The following ITPR2 variants were observed in gnomAD, a reference collection of about 807,000 sequenced individuals.
The protein encoded by ITPR2 is inositol 1,4,5-trisphosphate receptor type 2.
Under a neutral mutation model 317.1 loss-of-function variants are expected in ITPR2, and 207 were observed. That is an observed-to-expected ratio of 0.65 (90% CI 0.58 to 0.73). The LOEUF is 0.73. ITPR2 is among the 30% of genes least tolerant of loss of function. The pLI, the probability that ITPR2 is intolerant of heterozygous loss-of-function variation, is 0.00. For synonymous variants in ITPR2, 1,156 were observed against 1,149.1 expected (o/e 1.01, Z -0.12); for missense variants, 2,613 against 3,284.0 (o/e 0.80, Z 4.99).
At chr12:26,551,051 T>G (rs927037916) in intron 36 of ITPR2, among the ~76,000 whole-genome samples, 1 of 152,182 alleles carries the variant, frequency 6.6e-6, no homozygotes, top group Admixed American at 6.5e-5. Context: ...GAACTTAAAA[T>G]CAAATAAAAT....
At chr12:26,781,863 C>T (rs2137180025) in intron 2 of ITPR2, among the ~76,000 whole-genome samples, 2 of 151,848 alleles carry the variant, frequency 1.3e-5, no homozygotes, top group African/African-American at 4.8e-5. Context: ...ACTGGCTTAG[C>T]CTCCCAGCCT....
chr12:26,825,108 C>A (rs1365116818), intron 1 of ITPR2, among the ~76,000 whole-genome samples: 1 of 152,134 alleles, frequency 6.6e-6, no homozygotes, highest in African/African-American at 2.4e-5. Flanking sequence ...TGGCGCACAC[C>A]TGCAGTCCCA....
chr12:26,361,631 A>G lies in ITPR2; in HGVS notation c.7858-21303T>C, dbSNP rs1011397749. On this transcript the variant is annotated intron_variant, in intron 55 of 56. Coordinates refer to ENST00000381340, the MANE Select transcript of ITPR2 (RefSeq NM_002223.4). ...TGATATATAAAAATGAAGTTTACAAAATCCATGAAAAACAGATTATCTACT... is the reference window on the plus strand; with the variant it reads ...TGATATATAAAAATGAAGTTTACAAGATCCATGAAAAACAGATTATCTACT... 8.5e-5 allele frequency among the ~76,000 whole-genome samples: 13 copies of G among 152,326 alleles called. No homozygotes were observed. The South Asian group carries it at 2.1e-3, about 24-fold the overall frequency.
intron 55 of ITPR2, among the ~76,000 whole-genome samples, chr12:26,352,840 A>G (rs1326877535): frequency 6.6e-6 from 1 of 152,238 alleles, no homozygotes; most frequent in Non-Finnish European, 1.5e-5. Flanking sequence ...GGGTTGCGCC[A>G]TTTGTAAGGA....
In ITPR2 at chr12:26,772,045, T is replaced by C. The variant is rs1476167859; in HGVS notation, c.163+18112A>G. 2.0e-5 allele frequency among the ~76,000 whole-genome samples: 3 copies of C among 152,158 alleles called. No homozygotes were observed. The South Asian group carries it at 6.2e-4, about 32-fold the overall frequency. ...ACATTTAGTTGTCATTGATTTACCGTGTAACAGCTGCAGAAGACCGAACGG... is the reference window on the plus strand; with the variant it reads ...ACATTTAGTTGTCATTGATTTACCGCGTAACAGCTGCAGAAGACCGAACGG... On this transcript the variant is annotated intron_variant, in intron 2 of 56. Coordinates refer to ENST00000381340, the MANE Select transcript of ITPR2 (RefSeq NM_002223.4).
chr12:26,383,819 T>A (rs1939589736), intron 55 of ITPR2, among the ~76,000 whole-genome samples: 1 of 152,016 alleles, frequency 6.6e-6, no homozygotes, highest in South Asian at 2.1e-4. Context: ...TTCCCATTTC[T>A]CCGAAAGGTA....
intron 45 of ITPR2, among the ~76,000 whole-genome samples, chr12:26,464,273 C>G (rs1942114047): frequency 6.6e-6 from 1 of 152,150 alleles, no homozygotes; most frequent in Non-Finnish European, 1.5e-5. Context: ...TCAGTGGGAG[C>G]CCTGAGCTTG....
At chr12:26,396,618 G>A (rs1190385847) in intron 54 of ITPR2, among the ~76,000 whole-genome samples, 6 of 151,798 alleles carry the variant, frequency 4.0e-5, no homozygotes, top group Non-Finnish European at 7.4e-5. Context: ...CTTCTCACTC[G>A]GACACCCTCC....
intron 1 of ITPR2, among the ~76,000 whole-genome samples, chr12:26,804,203 G>A (rs1230998761): frequency 6.6e-6 from 1 of 151,984 alleles, no homozygotes; most frequent in Non-Finnish European, 1.5e-5. Flanking sequence ...TTTAACATTG[G>A]CTAAATGTGA....
rs535495472 is a variant in ITPR2, at chr12:26,476,683, C to T, written c.6219+229G>A. ...AGTTTAGTATAGTGTGATAAGTTGGCTAAGAAAAGTGCTTAGAGTGGATAA... is the reference window on the plus strand; with the variant it reads ...AGTTTAGTATAGTGTGATAAGTTGGTTAAGAAAAGTGCTTAGAGTGGATAA... On this transcript the variant is annotated intron_variant, in intron 44 of 56. Coordinates refer to ENST00000381340, the MANE Select transcript of ITPR2 (RefSeq NM_002223.4). Among the ~76,000 whole-genome samples the T allele has an allele frequency of 6.8e-4, 103 of 152,190 alleles. 1 individual carries two copies. In the South Asian group the frequency reaches 0.02, roughly 30 times the overall value.
intron 1 of ITPR2, among the ~76,000 whole-genome samples, chr12:26,817,180 CAAAAAAAAAAA>C (rs11422176): frequency 5.2e-5 from 3 of 57,672 alleles, no homozygotes; most frequent in Non-Finnish European, 6.2e-5. Flanking sequence ...GAGTCTCTTT[CAAAAAAAAAAA>C]AAAAAAAAAA....
intron 44 of ITPR2, among the ~76,000 whole-genome samples, chr12:26,475,673 C>T (rs576020430): frequency 4.6e-5 from 7 of 152,194 alleles, no homozygotes; most frequent in South Asian, 4.2e-4. Flanking sequence ...TTAGGAGAAT[C>T]GAGAACCCCA....
At chr12:26,624,219 G>A in intron 24 of ITPR2, 80 bp downstream of exon 24, 1 of 970,848 alleles carries the variant, frequency 1.0e-6, no homozygotes, top group South Asian at 1.4e-5. Flanking sequence ...GATATAGAGT[G>A]AACAATATCA....
chr12:26,744,937 A>G (rs758857796), intron 2 of ITPR2, among the ~76,000 whole-genome samples: 1 of 152,242 alleles, frequency 6.6e-6, no homozygotes, highest in Non-Finnish European at 1.5e-5. Context: ...TTGCAGGCAA[A>G]CTGTTATGCA....
Position 26,632,061 on chromosome 12 carries a change from T to C in ITPR2, c.2741-2A>G, listed in dbSNP as rs748129846. On this transcript the variant is annotated splice_acceptor_variant, in intron 21 of 56. Coordinates refer to ENST00000381340, the MANE Select transcript of ITPR2 (RefSeq NM_002223.4). LOFTEE classifies it high-confidence loss of function. ...GAATGGTTCTCATCACATTGTTTCC[T>C]GGCATGAGAAAATGCCGTAAGTCAA... The C allele has an allele frequency of 6.5e-7, 1 of 1,528,916 alleles. No homozygotes were observed. Among genetic ancestry groups the C allele is most frequent in the Non-Finnish European group, 8.8e-7 (1 of 1,139,940 alleles). 94.7% of individuals were successfully genotyped at this position (1,528,916 alleles called of 1,614,324 possible). A position where few individuals can be genotyped will look rare whatever the true frequency, so the allele number is the denominator to read the frequency against.
At chr12:26,349,721 C>T (rs548301238) in intron 55 of ITPR2, among the ~76,000 whole-genome samples, 7 of 152,352 alleles carry the variant, frequency 4.6e-5, no homozygotes, top group East Asian at 3.9e-4. Context: ...GTGTCACTGC[C>T]GTGTTCCTGC....
chr12:26,590,404 G>A (rs555674977), intron 32 of ITPR2, among the ~76,000 whole-genome samples: 57 of 152,070 alleles, frequency 3.7e-4, no homozygotes, highest in Non-Finnish European at 7.6e-4. Flanking sequence ...TGATAGCAAG[G>A]TTCTGGCATA....
chr12:26,442,113 T>G (rs1243905587), intron 46 of ITPR2, among the ~76,000 whole-genome samples: 1 of 152,086 alleles, frequency 6.6e-6, no homozygotes, highest in South Asian at 2.1e-4. Flanking sequence ...ACCAGATTGA[T>G]CTTTTGAAAA....
chr12:26,364,019 G>T lies in ITPR2; in HGVS notation c.7857+23415C>A, dbSNP rs995698986. ...GGAACAAATGGGGTGGAATGAGGCT[G>T]AACTAGCTTATGTGTCTGGCACTCT... On this transcript the variant is annotated intron_variant, in intron 55 of 56. Transcript: ENST00000381340. 5.4e-4 allele frequency among the ~76,000 whole-genome samples: 82 copies of T among 152,180 alleles called. 1 individual carries two copies. The highest frequency in any genetic ancestry group is 7.3e-5 in the Non-Finnish European group (5 of 68,028).
Sources: gnomAD v4.1 joint callset for allele counts (sites outside exome capture counted in the v4.1 genomes callset) on GRCh38, gnomAD v4.1.1 for gene constraint, MANE v1.5 for transcripts, NCBI Gene and HGNC (gene_info 2026-07-23, HGNC 2026-07-21) for gene names.